The following ADCY8 variants were observed in gnomAD, a reference collection of about 807,000 sequenced individuals.
ADCY8 encodes the protein adenylate cyclase 8, also known as adenylate cyclase type 8.
A neutral mutation model predicts 119.7 loss-of-function variants in ADCY8; 51 were observed. That is an observed-to-expected ratio of 0.43 (90% CI 0.34 to 0.54). The LOEUF (loss-of-function observed/expected upper bound fraction) is 0.54. Among genes scored for constraint, ADCY8 ranks in the 20% least tolerant of loss-of-function variants. The pLI is 0.03. For synonymous variants in ADCY8, 665 were observed against 651.0 expected (o/e 1.02, Z -0.33); for missense variants, 1,383 against 1,598.8 (o/e 0.87, Z 2.30).
intron 12 of ADCY8, among the ~76,000 whole-genome samples, chr8:130,834,930 G>A (rs1303849522): frequency 6.6e-6 from 1 of 151,910 alleles, no homozygotes; most frequent in African/African-American, 2.4e-5. Context: ...ACAGAGAGGA[G>A]AATAATACTA....
intron 4 of ADCY8, among the ~76,000 whole-genome samples, chr8:130,939,059 A>G (rs1820878353): frequency 6.6e-6 from 1 of 152,104 alleles, no homozygotes; most frequent in South Asian, 2.1e-4. Context: ...TTATGGAAAA[A>G]GAAATCAGAG....
chr8:130,870,202 T>A (rs763303743), intron 8 of ADCY8, among the ~76,000 whole-genome samples: 2 of 151,762 alleles, frequency 1.3e-5, no homozygotes, highest in Non-Finnish European at 2.9e-5. Context: ...TTAGTAGAGA[T>A]GGGGTTTCAC....
intron 1 of ADCY8, 148 bp from the exon 2 acceptor site, chr8:130,990,690 A>G: frequency 3.0e-6 from 3 of 991,396 alleles, no homozygotes; most frequent in East Asian, 5.5e-5. Flanking sequence ...TATGCCCTTC[A>G]TTCAGATCTT....
intron 9 of ADCY8, 83 bp from the exon 10 acceptor site, chr8:130,849,886 ATCCCTTGCATCG>A (rs2308221): frequency 0.095 from 122,682 of 1,295,532 alleles, 6,265 homozygotes; most frequent in Non-Finnish European, 0.11. Context: ...TTCCTTTCCC[ATCCCTTGCATCG>A]GATACTTCTT....
Position 130,830,749 on chromosome 8 carries a change from C to T in ADCY8, c.2675+5528G>A, listed in dbSNP as rs149620889. On this transcript the variant is annotated intron_variant, in intron 12 of 17. Transcript: ENST00000286355. ...AGACTCCCTCCCAGCACATCACCTACAAGGTGCTGTTAGGACCAGCAAAAC... is the reference window on the plus strand; with the variant it reads ...AGACTCCCTCCCAGCACATCACCTATAAGGTGCTGTTAGGACCAGCAAAAC... Among the ~76,000 whole-genome samples the T allele has an allele frequency of 9.8e-3, 1,496 of 152,316 alleles. 34 individuals carry two copies. The highest frequency in any genetic ancestry group is 0.034 in the African/African-American group (1,427 of 41,552).
At chr8:130,923,369 C>T (rs530110623) in intron 5 of ADCY8, among the ~76,000 whole-genome samples, 98 of 152,296 alleles carry the variant, frequency 6.4e-4, no homozygotes, top group Non-Finnish European at 1.2e-3. Context: ...TCAGTAAAAA[C>T]AATATAATTT....
intron 9 of ADCY8, among the ~76,000 whole-genome samples, chr8:130,858,586 C>T (rs944833437): frequency 6.6e-6 from 1 of 152,048 alleles, no homozygotes; most frequent in Non-Finnish European, 1.5e-5. Flanking sequence ...TGAGGTTTCT[C>T]CATATTTGCC....
chr8:130,821,600 C>T (rs1211978621), intron 12 of ADCY8, among the ~76,000 whole-genome samples, 180 bp from the exon 13 acceptor site: 2 of 152,106 alleles, frequency 1.3e-5, no homozygotes, highest in Non-Finnish European at 2.9e-5. Flanking sequence ...TCAATTGACC[C>T]CCAAGGGTAT....
chr8:130,878,168 T>G (rs1489102962), intron 8 of ADCY8, among the ~76,000 whole-genome samples: 1 of 152,236 alleles, frequency 6.6e-6, no homozygotes, highest in Non-Finnish European at 1.5e-5. Flanking sequence ...TGGTTGGAAC[T>G]GGGTTCAAGT....
chr8:130,814,783 C>T (rs1816284379), intron 13 of ADCY8, among the ~76,000 whole-genome samples: 1 of 152,102 alleles, frequency 6.6e-6, no homozygotes, highest in African/African-American at 2.4e-5. Context: ...GGAAACTGCC[C>T]CCATGGCTCA....
chr8:130,791,055 G>A (rs1815408729), intron 15 of ADCY8, among the ~76,000 whole-genome samples: 1 of 152,184 alleles, frequency 6.6e-6, no homozygotes, highest in Admixed American at 6.5e-5. Flanking sequence ...AGCACAGCTG[G>A]GTTGGGTCTC....
At chr8:130,903,508 T>G (rs1819673292) in intron 7 of ADCY8, among the ~76,000 whole-genome samples, 1 of 135,388 alleles carries the variant, frequency 7.4e-6, no homozygotes, top group Admixed American at 8.0e-5. Flanking sequence ...CTTCACATAA[T>G]ATTTATTTTT....
At chr8:130,814,421 G>A (rs1167417967) in intron 13 of ADCY8, among the ~76,000 whole-genome samples, 194 bp from the exon 14 acceptor site, 1 of 152,190 alleles carries the variant, frequency 6.6e-6, no homozygotes, top group Non-Finnish European at 1.5e-5. Flanking sequence ...ACAGGGATGT[G>A]CGCCTGCCTT....
intron 3 of ADCY8, among the ~76,000 whole-genome samples, chr8:130,949,130 G>A (rs1821198128): frequency 6.6e-6 from 1 of 151,648 alleles, no homozygotes; most frequent in Admixed American, 6.6e-5. Flanking sequence ...CAAGAACTCA[G>A]TTCAATGACT....
chr8:130,821,173 C>T (rs1711970289), intron 13 of ADCY8, among the ~76,000 whole-genome samples, 169 bp downstream of exon 13: 1 of 152,208 alleles, frequency 6.6e-6, no homozygotes, highest in African/African-American at 2.4e-5. Context: ...ACCAGATCTT[C>T]TCCAGCTTTG....
At chr8:130,908,739 G>A (rs1819872102) in intron 6 of ADCY8, among the ~76,000 whole-genome samples, 1 of 152,190 alleles carries the variant, frequency 6.6e-6, no homozygotes, top group Non-Finnish European at 1.5e-5. Flanking sequence ...TGCAAGCCAA[G>A]TTCACACTAA....
At chr8:130,904,549 T>G (rs1364348834) in intron 6 of ADCY8, among the ~76,000 whole-genome samples, 1 of 152,230 alleles carries the variant, frequency 6.6e-6, no homozygotes, top group Non-Finnish European at 1.5e-5. Context: ...TATATTCTTC[T>G]CAAGGGTGAT....
At chr8:130,971,865 G>A (rs7837721) in intron 2 of ADCY8, among the ~76,000 whole-genome samples, 2,647 of 152,290 alleles carry the variant, frequency 0.017, 80 homozygotes, top group African/African-American at 0.059. Context: ...TTAGGCAAGG[G>A]CCAGATTATA....
chr8:130,965,912 C>G (rs1821748432), intron 2 of ADCY8, among the ~76,000 whole-genome samples: 1 of 152,202 alleles, frequency 6.6e-6, no homozygotes, highest in Non-Finnish European at 1.5e-5. Flanking sequence ...GTTTGAATGT[C>G]TGTCATCCTC....
Sources: allele counts gnomAD v4.1 joint callset (sites outside exome capture counted in the v4.1 genomes callset), GRCh38; gene constraint gnomAD v4.1.1; transcripts MANE v1.5; gene names NCBI Gene and HGNC (gene_info 2026-07-23, HGNC 2026-07-21).